The following EPG5 variants were observed in gnomAD, a reference collection of about 807,000 sequenced individuals.
EPG5 encodes the protein ectopic P-granules 5 autophagy tethering factor, also known as ectopic P granules protein 5 homolog.
In EPG5, 159 loss-of-function variants were observed where a neutral mutation model predicts 302.7. The observed-to-expected ratio is 0.53, with a 90% CI of 0.46 to 0.60. EPG5 has a LOEUF of 0.60. Among genes scored for constraint, EPG5 ranks in the 20% least tolerant of loss-of-function variants. The pLI is 0.00. For synonymous variants in EPG5, 1,158 were observed against 1,136.8 expected (o/e 1.02, Z -0.37); for missense variants, 2,896 against 3,092.4 (o/e 0.94, Z 1.51).
intron 7 of EPG5, among the ~76,000 whole-genome samples, chr18:45,946,404 A>AG (rs1341867875): frequency 1.3e-5 from 2 of 152,210 alleles, no homozygotes; most frequent in African/African-American, 4.8e-5. Context: ...ATTCTAGAGA[A>AG]GGGGTGCAGC....
chr18:45,854,398 C>T (rs184420809), intron 43 of EPG5, among the ~76,000 whole-genome samples: 18 of 152,346 alleles, frequency 1.2e-4, no homozygotes, highest in African/African-American at 3.8e-4. Flanking sequence ...GGTGTTCAAG[C>T]TCTGAGCACT....
At chr18:45,941,654 T>A (rs1449741753) in intron 9 of EPG5, among the ~76,000 whole-genome samples, 1 of 152,154 alleles carries the variant, frequency 6.6e-6, no homozygotes, top group East Asian at 1.9e-4. Context: ...CCAACGTCCT[T>A]CCTATAGAGT....
chr18:45,916,324 A>G (rs2050031848), intron 18 of EPG5, 114 bp downstream of exon 18: 10 of 1,528,328 alleles, frequency 6.5e-6, no homozygotes, highest in Non-Finnish European at 8.0e-6. Context: ...TTTCTTGGCC[A>G]AAAGCACACT....
chr18:45,923,334 A>G lies in EPG5; in HGVS notation c.2772T>C (p.Leu924=), dbSNP rs891935086. 6.2e-6 allele frequency: 10 copies of G among 1,613,920 alleles called. No individual in the cohort carries two copies. Among genetic ancestry groups the G allele is most frequent in the Non-Finnish European group, 8.5e-6 (10 of 1,179,986 alleles). The stretch of plus-strand genomic sequence containing the variant: ...GTGCAAGGTACTTCTGATAAGCTTC[A>G]AGAACCATTAAAGCCACTTCAGCAT... The part of the protein sequence containing the change: ...AVHAEVALMV[L]EAYQKYLAQK... Residue 924 remains leucine (L), a synonymous_variant, in exon 15 of 44, where the codon CTT becomes CTC. Coordinates refer to ENST00000282041, the MANE Select transcript of EPG5 (RefSeq NM_020964.3).
chr18:45,879,076 T>C lies in EPG5; in HGVS notation c.5806A>G (p.Lys1936Glu). The C allele has an allele frequency of 6.2e-7, 1 of 1,614,158 alleles. No homozygotes were observed. Among genetic ancestry groups the C allele is most frequent in the Non-Finnish European group, 8.5e-7 (1 of 1,180,026 alleles). ...GTCATTTCTAAGTCAATCAGCCTTT[T>C]CACAAGGTAGCCCAAGAATGTCTTC... ...DVKTFLGYLV[K>E]RLIDLEMTCL... Residue 1936 changes from lysine (K) to glutamate (E), a missense_variant, in exon 33 of 44, where the codon AAA (lysine) becomes GAA (glutamate). Physicochemically the swap from Lys to Glu is moderately conservative, Grantham distance 56. Coordinates refer to ENST00000282041, the MANE Select transcript of EPG5 (RefSeq NM_020964.3).
In EPG5 at chr18:45,879,230, A is replaced by T. The variant is rs765666008; in HGVS notation, c.5668-16T>A. ...TCTCCATTACCTGGAAGAGACAACT[A>T]GTCAAAAAATGCTTACTAAATATGT... On this transcript the variant is annotated splice_polypyrimidine_tract_variant and intron_variant, in intron 32 of 43. Transcript: ENST00000282041. 5.7e-6 allele frequency: 9 copies of T among 1,578,868 alleles called. No homozygotes were observed.
intron 23 of EPG5, among the ~76,000 whole-genome samples, chr18:45,909,327 A>T (rs771217811): frequency 3.9e-5 from 6 of 152,206 alleles, no homozygotes; most frequent in Non-Finnish European, 8.8e-5. Context: ...CTCTTGGCTT[A>T]TCTAAAATAT....
At chr18:45,868,629 A>G (rs771332425) in intron 36 of EPG5, among the ~76,000 whole-genome samples, 46 of 151,384 alleles carry the variant, frequency 3.0e-4, no homozygotes, top group Admixed American at 5.9e-4. Context: ...TCAGCCTCCC[A>G]AAGTGCTGGG....
chr18:45,879,289 G>T, intron 32 of EPG5, 75 bp from the exon 33 acceptor site: 1 of 1,030,754 alleles, frequency 9.7e-7, no homozygotes, highest in South Asian at 1.5e-5. Context: ...ACTGTGATGG[G>T]GGTGTATATA....
At chr18:45,938,492 A>G (rs2050587699) in intron 10 of EPG5, among the ~76,000 whole-genome samples, 4 of 151,674 alleles carry the variant, frequency 2.6e-5, no homozygotes, top group Admixed American at 2.6e-4. Context: ...AAATTTCTAT[A>G]CCCAAGTTCT....
intron 31 of EPG5, among the ~76,000 whole-genome samples, chr18:45,880,600 A>C (rs1429648817): frequency 1.3e-5 from 2 of 152,070 alleles, no homozygotes; most frequent in Admixed American, 6.5e-5. Flanking sequence ...GGACAACGGA[A>C]ACCACATGAT....
At position 45,850,035 on chromosome 18, in the gene EPG5, AG is replaced by A. The variant is rs2048405126; in HGVS notation, c.*2431del. The A allele has an allele frequency of 2.6e-5, 4 of 152,110 alleles. 1 individual carries two copies. Among genetic ancestry groups the A allele is most frequent in the Non-Finnish European group, 4.4e-5 (3 of 68,058 alleles). 9.4% of individuals were successfully genotyped at this position (152,110 alleles called of 1,614,324 possible). On this transcript the variant is annotated 3_prime_UTR_variant, in exon 44 of 44. Coordinates refer to ENST00000282041, the MANE Select transcript of EPG5 (RefSeq NM_020964.3). ...CCCACCTGTGCACTGCAGCATGGGG[AG>A]TGATGGAGAGGGAGAGAGATGTTTT... is the stretch of plus-strand genomic sequence containing the variant.
intron 27 of EPG5, among the ~76,000 whole-genome samples, chr18:45,894,528 C>T (rs952125049): frequency 2.6e-5 from 4 of 151,954 alleles, no homozygotes; most frequent in African/African-American, 9.7e-5. Context: ...TTCAGTCTGG[C>T]AGGACAAAAC....
chr18:45,952,534 T>C lies in EPG5; in HGVS notation c.1118A>G (p.Glu373Gly), dbSNP rs767234775. 2 of 1,614,140 alleles carry C rather than the reference T, an allele frequency of 1.2e-6. No individual in the cohort carries two copies. The highest frequency in any genetic ancestry group is 1.7e-6 in the Non-Finnish European group (2 of 1,180,006). ...ELKKLFDAKS[E>G]HLHQTLALHS... ...AAGGGCCAGGGTCTGGTGGAGGTGC[T>C]CAGATTTGGCATCGAATAGCTTCTT... The change falls in exon 3 of 44, where the codon GAG (glutamate) becomes GGG (glycine). Residue 373 changes from glutamate (E) to glycine (G), a missense_variant. By Grantham distance (98) the Glu-to-Gly change is moderately conservative (BLOSUM62 -2). Coordinates refer to ENST00000282041, the MANE Select transcript of EPG5 (RefSeq NM_020964.3).
chr18:45,866,237 A>G (rs554599414), intron 38 of EPG5, among the ~76,000 whole-genome samples: 1 of 150,908 alleles, frequency 6.6e-6, no homozygotes, highest in Non-Finnish European at 1.5e-5. Context: ...CTCCTACCTC[A>G]GTCTCCCGAG....
At chr18:45,867,837 T>A in intron 36 of EPG5, 89 bp from the exon 37 acceptor site, 1 of 1,196,052 alleles carries the variant, frequency 8.4e-7, no homozygotes, top group Non-Finnish European at 1.2e-6. Flanking sequence ...AATTATGTTT[T>A]TAAAAAACAC....
At position 45,858,671 on chromosome 18, in the gene EPG5, G is replaced by A. The variant is rs773838341; in HGVS notation, c.7121C>T (p.Thr2374Ile). The change falls in exon 41 of 44, where the codon ACT becomes ATT. Residue 2374 changes from threonine (T) to isoleucine (I), a missense_variant. Coordinates refer to ENST00000282041, the MANE Select transcript of EPG5 (RefSeq NM_020964.3). ...ACACTGAAGCAAGTAGACGTAAAGA[G>A]TCAAGTAACTGCCCAAGGTGAGGCA... ...QECLTLGSYL[T>I]LYVYLLQCLN... 1 of 1,614,140 alleles carries A rather than the reference G, an allele frequency of 6.2e-7. No individual in the cohort carries two copies. The highest frequency in any genetic ancestry group is 8.5e-7 in the Non-Finnish European group (1 of 1,180,002).
chr18:45,871,716 G>C (rs149323112), intron 35 of EPG5, among the ~76,000 whole-genome samples: 3 of 152,262 alleles, frequency 2.0e-5, no homozygotes, highest in Admixed American at 2.0e-4. Flanking sequence ...CTCATATGTG[G>C]AATCTAGTAA....
chr18:45,888,407 G>A (rs897573523), intron 28 of EPG5, among the ~76,000 whole-genome samples: 2 of 152,100 alleles, frequency 1.3e-5, no homozygotes, highest in Admixed American at 6.5e-5. Context: ...GGGTTCAAGC[G>A]ATTCTAACAC....
Sources: allele counts gnomAD v4.1 joint callset (sites outside exome capture counted in the v4.1 genomes callset), GRCh38; gene constraint gnomAD v4.1.1; transcripts MANE v1.5; gene names NCBI Gene and HGNC (gene_info 2026-07-23, HGNC 2026-07-21).